KIAA0825: variants seen among roughly 807,000 people sequenced by gnomAD.
KIAA0825 encodes uncharacterized protein KIAA0825.
Under a neutral mutation model 147.6 loss-of-function variants are expected in KIAA0825, and 119 were observed. The ratio of observed to expected loss-of-function variants is 0.81; its 90% confidence interval spans 0.69 to 0.94. The LOEUF (loss-of-function observed/expected upper bound fraction) is 0.94. Ranked by LOEUF, KIAA0825 falls within the 40% of genes least tolerant of loss-of-function variation. KIAA0825 has a pLI of 0.00. For missense variants in KIAA0825, 1,381 were observed against 1,472.7 expected (o/e 0.94, Z 1.02); for synonymous variants, 470 against 518.1 (o/e 0.91, Z 1.26).
At position 94,242,051 on chromosome 5, in the gene KIAA0825, G is replaced by A. The variant is rs1338510681; in HGVS notation, c.3711-87927C>T. 3.3e-5 allele frequency among the ~76,000 whole-genome samples: 5 copies of A among 152,090 alleles called. No homozygotes were observed. The East Asian group carries it at 9.6e-4, about 29-fold the overall frequency. ...ACAAAATTTTGCATGGCCTAAAAGT[G>A]TTTTCAAAGTTTTAATTTTTTTCTA... On this transcript the variant is annotated intron_variant, in intron 20 of 20. Transcript: ENST00000682413.
chr5:94,206,262 C>T (rs1451962048), intron 20 of KIAA0825, among the ~76,000 whole-genome samples: 1 of 152,034 alleles, frequency 6.6e-6, no homozygotes, highest in Non-Finnish European at 1.5e-5. Context: ...TTTTCCAGAT[C>T]AATTTTCATC....
At chr5:94,587,254 T>A (rs931926099) in intron 1 of KIAA0825, among the ~76,000 whole-genome samples, 6 of 152,140 alleles carry the variant, frequency 3.9e-5, no homozygotes, top group African/African-American at 1.4e-4. Context: ...AGTCAAATTG[T>A]CCCTGTTTGC....
chr5:94,472,461 A>G lies in KIAA0825; in HGVS notation c.1456-730T>C, dbSNP rs1020816425. ...CAAAAATTCTTTTAAGAATATCCCAATCGGCCGGGCGCGGTGGCTCACGCC... is the reference window on the plus strand; with the variant it reads ...CAAAAATTCTTTTAAGAATATCCCAGTCGGCCGGGCGCGGTGGCTCACGCC... On this transcript the variant is annotated intron_variant, in intron 8 of 20. Coordinates refer to ENST00000682413, the MANE Select transcript of KIAA0825 (RefSeq NM_001145678.3). Among the ~76,000 whole-genome samples the G allele has an allele frequency of 2.6e-5, 4 of 152,118 alleles. No individual in the cohort carries two copies. The South Asian group carries it at 6.2e-4, about 24-fold the overall frequency.
chr5:94,549,306 A>G (rs1254671350), intron 2 of KIAA0825, among the ~76,000 whole-genome samples: 1 of 152,208 alleles, frequency 6.6e-6, no homozygotes, highest in Non-Finnish European at 1.5e-5. Flanking sequence ...GAAACTGTAC[A>G]CTCACATGGA....
intron 20 of KIAA0825, among the ~76,000 whole-genome samples, chr5:94,365,338 C>A (rs1333302268): frequency 6.6e-6 from 1 of 152,200 alleles, no homozygotes; most frequent in Non-Finnish European, 1.5e-5. Context: ...TTACCCCAGA[C>A]AACAATGCCC....
intron 1 of KIAA0825, among the ~76,000 whole-genome samples, chr5:94,597,031 A>G (rs542994743): frequency 7.4e-4 from 112 of 152,312 alleles, no homozygotes; most frequent in Non-Finnish European, 1.3e-3. Context: ...AAACAGGGAT[A>G]GTAAGACTTC....
intron 14 of KIAA0825, 66 bp from the exon 15 acceptor site, chr5:94,417,431 C>T (rs1020520333): frequency 2.3e-6 from 3 of 1,315,852 alleles, no homozygotes; most frequent in Non-Finnish European, 3.1e-6. Context: ...TATGATTAAA[C>T]TCTTACTATG....
At chr5:94,538,193 C>T (rs189598319) in intron 2 of KIAA0825, among the ~76,000 whole-genome samples, 33 of 152,096 alleles carry the variant, frequency 2.2e-4, no homozygotes, top group South Asian at 1.5e-3. Context: ...AAAAATCATA[C>T]GGTGAGAAGT....
intron 3 of KIAA0825, among the ~76,000 whole-genome samples, chr5:94,531,289 A>G (rs1770744862): frequency 6.6e-6 from 1 of 152,178 alleles, no homozygotes; most frequent in African/African-American, 2.4e-5. Context: ...ATGATGACGG[A>G]GAAAGGAGTA....
At chr5:94,476,862 G>GA (rs1375315305) in intron 7 of KIAA0825, among the ~76,000 whole-genome samples, 1 of 151,924 alleles carries the variant, frequency 6.6e-6, no homozygotes, top group Non-Finnish European at 1.5e-5. Flanking sequence ...CCCTGAGTCA[G>GA]GATAATAACA....
At chr5:94,184,257 A>G (rs1007501466) in intron 20 of KIAA0825, among the ~76,000 whole-genome samples, 1 of 152,170 alleles carries the variant, frequency 6.6e-6, no homozygotes, top group Non-Finnish European at 1.5e-5. Flanking sequence ...AAATATGACT[A>G]TCAGGTGCTA....
chr5:94,176,633 T>TA (rs1769128445), intron 20 of KIAA0825, among the ~76,000 whole-genome samples: 2 of 151,870 alleles, frequency 1.3e-5, no homozygotes, highest in Admixed American at 1.3e-4. Flanking sequence ...AAATTATCAT[T>TA]AAAAAGCATA....
intron 14 of KIAA0825, among the ~76,000 whole-genome samples, chr5:94,437,942 T>C (rs1756581749): frequency 6.6e-6 from 1 of 152,168 alleles, no homozygotes; most frequent in African/African-American, 2.4e-5. Flanking sequence ...ACTGGACTGT[T>C]TATGTAAAAA....
chr5:94,564,967 C>A, intron 2 of KIAA0825, among the ~76,000 whole-genome samples: 1 of 118,672 alleles, frequency 8.4e-6, no homozygotes, highest in Non-Finnish European at 1.8e-5. Context: ...CTTTTCTTTT[C>A]TTTTTCTTCT....
intron 2 of KIAA0825, among the ~76,000 whole-genome samples, chr5:94,537,805 C>T (rs1772390935): frequency 6.6e-6 from 1 of 152,050 alleles, no homozygotes. Context: ...AATTCAATAC[C>T]TTCCCTCAAC....
chr5:94,195,035 G>A (rs1771007244), intron 20 of KIAA0825, among the ~76,000 whole-genome samples: 1 of 152,214 alleles, frequency 6.6e-6, no homozygotes, highest in Non-Finnish European at 1.5e-5. Flanking sequence ...GTTTAAGAGA[G>A]ATGAGGTAAC....
At chr5:94,247,495 T>G (rs1775690280) in intron 20 of KIAA0825, among the ~76,000 whole-genome samples, 1 of 152,132 alleles carries the variant, frequency 6.6e-6, no homozygotes, top group South Asian at 2.1e-4. Flanking sequence ...TTAAAATAGG[T>G]TTAATTTCAG....
intron 20 of KIAA0825, among the ~76,000 whole-genome samples, chr5:94,379,788 T>C (rs1748111605): frequency 6.6e-6 from 1 of 151,924 alleles, no homozygotes; most frequent in Non-Finnish European, 1.5e-5. Flanking sequence ...TTTGTAATTC[T>C]TGTTGTAGAG....
intron 14 of KIAA0825, among the ~76,000 whole-genome samples, chr5:94,434,415 C>A (rs561399185): frequency 3.3e-5 from 5 of 152,258 alleles, no homozygotes; most frequent in Admixed American, 6.5e-5. Flanking sequence ...ACAAGAGAGC[C>A]ATTTCCTACA....
Sources: gnomAD v4.1 joint callset for allele counts (sites outside exome capture counted in the v4.1 genomes callset) on GRCh38, gnomAD v4.1.1 for gene constraint, MANE v1.5 for transcripts, NCBI Gene and HGNC (gene_info 2026-07-23, HGNC 2026-07-21) for gene names.